Variants in EMID1 observed in about 807,000 individuals in gnomAD.
The protein encoded by EMID1 is EMI domain containing 1.
In EMID1, 40 loss-of-function variants were observed where a neutral mutation model predicts 60.6. The observed-to-expected ratio is 0.66, with a 90% CI of 0.51 to 0.86. The LOEUF is 0.86. Among genes scored for constraint, EMID1 ranks in the 40% least tolerant of loss-of-function variants. The pLI, the probability that EMID1 is intolerant of heterozygous loss-of-function variation, is 0.00. For synonymous variants in EMID1, 242 were observed against 231.0 expected, an observed-to-expected ratio of 1.05 and a Z score of -0.43; for missense variants, 585 against 597.1, an observed-to-expected ratio of 0.98 and a Z score of 0.21.
At chr22:29,257,279 C>T (rs2041738022) in intron 14 of EMID1, among the ~76,000 whole-genome samples, 1 of 152,194 alleles carries the variant, frequency 6.6e-6, no homozygotes, top group African/African-American at 2.4e-5. Context: ...TCAGGTGCTA[C>T]TGAAGACCCA....
chr22:29,219,186 C>T (rs969301738), intron 3 of EMID1, among the ~76,000 whole-genome samples: 1 of 152,154 alleles, frequency 6.6e-6, no homozygotes, highest in African/African-American at 2.4e-5. Flanking sequence ...GGGGTCTTTC[C>T]CCTGCAGCAG....
At position 29,232,239 on chromosome 22, in the gene EMID1, G is replaced by T; in HGVS notation, c.677-17G>T. On this transcript the variant is annotated splice_polypyrimidine_tract_variant and intron_variant, in intron 7 of 14. Transcript: ENST00000334018. ...TTGCCTCCTGTATACCCACAAATCCGTGTGATTCCATTGCAGGTCCACAGG... is the reference window on the plus strand; with the variant it reads ...TTGCCTCCTGTATACCCACAAATCCTTGTGATTCCATTGCAGGTCCACAGG... 6 of 1,611,542 alleles carry T rather than the reference G, an allele frequency of 3.7e-6. No homozygotes were observed. The highest frequency in any genetic ancestry group is 5.1e-6 in the Non-Finnish European group (6 of 1,179,772).
intron 13 of EMID1, among the ~76,000 whole-genome samples, chr22:29,247,575 T>C (rs911192844): frequency 1.1e-4 from 17 of 152,260 alleles, no homozygotes; most frequent in African/African-American, 3.9e-4. Context: ...TAAGTATTTG[T>C]GTATCTAAAC....
chr22:29,237,695 G>T (rs1279484238), intron 12 of EMID1, among the ~76,000 whole-genome samples: 1 of 143,702 alleles, frequency 7.0e-6, no homozygotes, highest in Non-Finnish European at 1.5e-5. Context: ...CAGCTACTTG[G>T]GAGGCTGAGG....
chr22:29,258,792 C>T (rs1569014375), intron 14 of EMID1, 25 bp from the exon 15 acceptor site: 1 of 1,612,518 alleles, frequency 6.2e-7, no homozygotes, highest in Non-Finnish European at 8.5e-7. Context: ...TCTAATGTGG[C>T]CTCTCTCCTT....
At chr22:29,231,304 C>T (rs1380148247) in intron 6 of EMID1, among the ~76,000 whole-genome samples, 164 bp downstream of exon 6, 1 of 152,174 alleles carries the variant, frequency 6.6e-6, no homozygotes, top group Non-Finnish European at 1.5e-5. Flanking sequence ...GGACCGTCTC[C>T]TGGGACTCCT....
intron 5 of EMID1, among the ~76,000 whole-genome samples, chr22:29,228,190 G>C (rs2040600660): frequency 6.6e-6 from 1 of 150,630 alleles, no homozygotes; most frequent in Non-Finnish European, 1.5e-5. Flanking sequence ...AGCCGAGTGT[G>C]GTGGCAGGTA....
At chr22:29,257,086 G>T (rs1325279104) in intron 14 of EMID1, among the ~76,000 whole-genome samples, 2 of 152,170 alleles carry the variant, frequency 1.3e-5, no homozygotes, top group Non-Finnish European at 2.9e-5. Context: ...ATCTGTCCCT[G>T]CCTTCAGCCA....
At chr22:29,248,007 A>G (rs1245914783) in intron 13 of EMID1, among the ~76,000 whole-genome samples, 7 of 150,548 alleles carry the variant, frequency 4.6e-5, no homozygotes, top group African/African-American at 9.8e-5. Context: ...AGTGGAGTAC[A>G]GTGGCTTGAT....
intron 12 of EMID1, among the ~76,000 whole-genome samples, chr22:29,238,680 A>C (rs555936330): frequency 7.0e-6 from 1 of 142,252 alleles, no homozygotes; most frequent in East Asian, 2.1e-4. Flanking sequence ...CGGCCTCCCA[A>C]AGTGGTGGGA....
In EMID1 at chr22:29,226,431, G is replaced by C. The variant is rs2040511923; in HGVS notation, c.404-59G>C. On this transcript the variant is annotated intron_variant, in intron 4 of 14. Transcript: ENST00000334018. ...CCATCCCAACCCCCAGAGACTGAAG[G>C]GTTCTGAGGGGAAGCCTAGGACCCT... 2.6e-6 allele frequency: 4 copies of C among 1,568,008 alleles called. No individual in the cohort carries two copies. The East Asian group carries it at 6.9e-5, about 27-fold the overall frequency.
Position 29,259,214 on chromosome 22 carries a change from CG to C in EMID1, c.*271del. The C allele has an allele frequency of 2.1e-6, 1 of 482,050 alleles. No homozygotes were observed. The highest frequency in any genetic ancestry group is 2.6e-5 in the South Asian group (1 of 38,000). The allele number at this position is 482,050 out of a possible 1,614,324, so 29.9% of individuals were successfully genotyped here. On this transcript the variant is annotated 3_prime_UTR_variant, in exon 15 of 15. Transcript: ENST00000334018. Reference sequence around the variant, plus strand: ...AAGGAGGGATAGAGGTACAAGGCTTCGTCTCATCTGCTGTCTGAGCATCCAG... The same window carrying C: ...AAGGAGGGATAGAGGTACAAGGCTTCTCTCATCTGCTGTCTGAGCATCCAG...
chr22:29,230,794 A>T lies in EMID1; in HGVS notation c.466-226A>T, dbSNP rs191231936. Among the ~76,000 whole-genome samples, 546 of 151,896 alleles carry T rather than the reference A, an allele frequency of 3.6e-3. 6 individuals carry two copies. The highest frequency in any genetic ancestry group is 0.012 in the African/African-American group (493 of 41,418). On this transcript the variant is annotated intron_variant, in intron 5 of 14. Transcript: ENST00000334018. Reference sequence around the variant, plus strand: ...TAGCGAGACCTCGTCTCTACAAATAATTTTTTTTTAAATTTGCCATGTGTG... The same window carrying T: ...TAGCGAGACCTCGTCTCTACAAATATTTTTTTTTTAAATTTGCCATGTGTG...
rs780894821 is a variant in EMID1 at position 29,233,377 on chromosome 22, A to G, written c.824-2A>G. 6.8e-6 allele frequency: 11 copies of G among 1,613,716 alleles called. No homozygotes were observed. In the African/African-American group the frequency reaches 1.2e-4, roughly 18 times the overall value. ...ACTCACTCATCATCTTTGCTCACCC[A>G]GGAGACCCATTGCTGTCCAACACCT... On this transcript the variant is annotated splice_acceptor_variant, in intron 8 of 14. Transcript: ENST00000334018. LOFTEE classifies it high-confidence loss of function.
At chr22:29,206,980 G>T (rs1281049472) in intron 1 of EMID1, among the ~76,000 whole-genome samples, 1 of 152,216 alleles carries the variant, frequency 6.6e-6, no homozygotes, top group Non-Finnish European at 1.5e-5. Flanking sequence ...TGCAGCCCCA[G>T]CGAGGGTCCC....
Position 29,232,303 on chromosome 22 carries a change from A to C in EMID1, c.724A>C (p.Thr242Pro). The change falls in exon 8 of 15, where the codon ACC becomes CCC. Residue 242 changes from threonine to proline, a missense_variant. Physicochemically the swap from Thr to Pro is conservative, Grantham distance 38. Transcript: ENST00000334018. ...GSPGRAGAVGTPGERGPPGPP... is the reference protein window; with the variant it reads ...GSPGRAGAVGPPGERGPPGPP... ...CCCTGGCCGGGCTGGAGCTGTGGGC[A>C]CCCCTGGAGAGAGGGGACCTCCTGG... is the stretch of plus-strand genomic sequence containing the variant. 2 of 1,610,910 alleles carry C rather than the reference A, an allele frequency of 1.2e-6. No homozygotes were observed. The highest frequency in any genetic ancestry group is 1.7e-6 in the Non-Finnish European group (2 of 1,179,586).
At chr22:29,253,123 C>T (rs972584011) in intron 13 of EMID1, among the ~76,000 whole-genome samples, 1 of 152,156 alleles carries the variant, frequency 6.6e-6, no homozygotes, top group Admixed American at 6.5e-5. Context: ...ATAAACCCAT[C>T]GTAAGTTGAA....
At position 29,206,124 on chromosome 22, in the gene EMID1, C is replaced by T. The variant is rs182925190; in HGVS notation, c.86C>T (p.Pro29Leu). The change falls in exon 1 of 15, where the codon CCG becomes CTG. Residue 29 changes from proline to leucine, a missense_variant. By Grantham distance (98) the Pro-to-Leu change is moderately conservative. Coordinates refer to ENST00000334018, the MANE Select transcript of EMID1 (RefSeq NM_133455.4). The stretch of plus-strand genomic sequence containing the variant: ...GCTGCGTGGAGCATCGGGGCAGCTC[C>T]GTTCTCCGGACGCAGGTAAGAGCTC... Reference protein sequence around the residue: ...GGAAWSIGAAPFSGRRNWCSY... With the variant: ...GGAAWSIGAALFSGRRNWCSY... The T allele has an allele frequency of 2.4e-6, 3 of 1,230,718 alleles. No individual in the cohort carries two copies. Among genetic ancestry groups the T allele is most frequent in the Admixed American group, 8.4e-5 (2 of 23,686 alleles). The allele number at this position is 1,230,718 out of a possible 1,614,324, so 76.2% of individuals were successfully genotyped here. A position where few individuals can be genotyped will look rare whatever the true frequency, so the allele number is the denominator to read the frequency against.
At position 29,251,333 on chromosome 22, in the gene EMID1, C is replaced by T. The variant is rs139422152; in HGVS notation, c.1120-2870C>T. On this transcript the variant is annotated intron_variant, in intron 13 of 14. Coordinates refer to ENST00000334018, the MANE Select transcript of EMID1 (RefSeq NM_133455.4). ...CTGAGCTCAAGCAGTCCACCCACCTCAGCCTCCCAGGGTGCTGGGATTACA... is the reference window on the plus strand; with the variant it reads ...CTGAGCTCAAGCAGTCCACCCACCTTAGCCTCCCAGGGTGCTGGGATTACA... 9.3e-3 allele frequency among the ~76,000 whole-genome samples: 1,411 copies of T among 151,442 alleles called. 22 individuals carry two copies. The highest frequency in any genetic ancestry group is 0.014 in the East Asian group (71 of 5,102).
Sources: allele counts gnomAD v4.1 joint callset (sites outside exome capture counted in the v4.1 genomes callset), GRCh38; gene constraint gnomAD v4.1.1; transcripts MANE v1.5; gene names NCBI Gene and HGNC (gene_info 2026-07-23, HGNC 2026-07-21).